RTN3: variants seen among roughly 807,000 people sequenced by gnomAD.
RTN3 encodes the protein reticulon 3, also known as reticulon-3.
RTN3 carries 49 observed loss-of-function variants against 77.8 expected under a neutral mutation model. That is an observed-to-expected ratio of 0.63 (90% CI 0.50 to 0.80). The LOEUF (loss-of-function observed/expected upper bound fraction) is 0.80, where lower values mean the gene tolerates loss of function less well. RTN3 is among the 30% of genes least tolerant of loss of function. The pLI is 0.00. For missense variants in RTN3, 1,236 were observed against 1,211.9 expected (o/e 1.02, Z -0.29); for synonymous variants, 464 against 446.9 (o/e 1.04, Z -0.48).
chr11:63,687,139 T>C (rs1161675707), intron 1 of RTN3, among the ~76,000 whole-genome samples: 2 of 152,212 alleles, frequency 1.3e-5, no homozygotes, highest in Non-Finnish European at 2.9e-5. Context: ...GAGTGTTACA[T>C]TCGTGTCAGA....
intron 2 of RTN3, among the ~76,000 whole-genome samples, chr11:63,705,352 T>C (rs752543184): frequency 3.9e-5 from 6 of 152,134 alleles, no homozygotes; most frequent in Non-Finnish European, 7.3e-5. Flanking sequence ...AGGTGGTGCA[T>C]GCCTGTAGTC....
chr11:63,719,001 G>A lies in RTN3; in HGVS notation c.499G>A (p.Ala167Thr). The change falls in exon 3 of 9, where the codon GCT becomes ACT. Residue 167 changes from alanine to threonine, a missense_variant. Transcript: ENST00000377819. The stretch of plus-strand genomic sequence containing the variant: ...TCCAGCCAGTTTCCCAGAGCATCCT[G>A]CTTTTCTCTCAAAGAAAATTGGTCA... ...SIPASFPEHPAFLSKKIGQVE... is the reference protein window; with the variant it reads ...SIPASFPEHPTFLSKKIGQVE... The A allele has an allele frequency of 6.2e-7, 1 of 1,614,126 alleles. No homozygotes were observed. The highest frequency in any genetic ancestry group is 2.2e-5 in the East Asian group (1 of 44,870).
intron 1 of RTN3, among the ~76,000 whole-genome samples, chr11:63,701,513 C>T (rs1023049715): frequency 6.6e-6 from 1 of 152,140 alleles, no homozygotes; most frequent in African/African-American, 2.4e-5. Context: ...AACAGTTCTA[C>T]AGGCTTTATA....
chr11:63,686,280 C>T (rs998224045), intron 1 of RTN3, among the ~76,000 whole-genome samples: 1 of 151,390 alleles, frequency 6.6e-6, no homozygotes, highest in South Asian at 2.1e-4. Flanking sequence ...ATCATCCTGG[C>T]TAACATGGTG....
Position 63,719,696 on chromosome 11 carries a change from C to G in RTN3, c.1194C>G (p.Ile398Met). ...PVCSIDGSTP[I>M]TKSTGDWAEA... ...GTTCTATTGATGGGAGCACTCCCAT[C>G]ACTAAATCAACAGGTGATTGGGCAG... The change falls in exon 3 of 9, where the codon ATC (isoleucine) becomes ATG (methionine). Residue 398 changes from isoleucine (I) to methionine (M), a missense_variant. Physicochemically the swap from Ile to Met is conservative, Grantham distance 10. Around this residue, in one of 3 missense-constraint regions of RTN3, gnomAD observed 1,056 missense variants for 990.4 expected, o/e 1.07. Transcript: ENST00000377819. The G allele has an allele frequency of 6.2e-7, 1 of 1,614,116 alleles. No individual in the cohort carries two copies. Among genetic ancestry groups the G allele is most frequent in the South Asian group, 1.1e-5 (1 of 91,052 alleles).
At position 63,720,691 on chromosome 11, in the gene RTN3, G is replaced by A. The variant is rs2011712347; in HGVS notation, c.2189G>A (p.Gly730Asp). 6.2e-7 allele frequency: 1 copy of A among 1,613,932 alleles called. No homozygotes were observed. Among genetic ancestry groups the A allele is most frequent in the Admixed American group, 1.7e-5 (1 of 59,980 alleles). Residue 730 changes from glycine (G) to aspartate (D), a missense_variant, in exon 3 of 9, where the codon GGT becomes GAT. By Grantham distance (94) the Gly-to-Asp change is moderately conservative. Coordinates refer to ENST00000377819, the MANE Select transcript of RTN3 (RefSeq NM_001265589.2). Reference sequence around the variant, plus strand: ...CCTCTAGGTGTTTTCCCTACCCAAGGTACTCCAGTAGCATCTCTTGACTTA... The same window carrying A: ...CCTCTAGGTGTTTTCCCTACCCAAGATACTCCAGTAGCATCTCTTGACTTA... ...SEPLGVFPTQ[G>D]TPVASLDLEQ...
chr11:63,737,402 G>T (rs1014651932), intron 3 of RTN3, among the ~76,000 whole-genome samples: 2 of 152,146 alleles, frequency 1.3e-5, no homozygotes, highest in African/African-American at 4.8e-5. Flanking sequence ...TTGAGGCCAG[G>T]AGTTTGAGAC....
chr11:63,735,550 T>TCTCTCTCTCTCTC (rs2013032879), intron 3 of RTN3, among the ~76,000 whole-genome samples: 7 of 42,688 alleles, frequency 1.6e-4, no homozygotes, highest in Non-Finnish European at 2.5e-4. Context: ...ATTCTAACAT[T>TCTCTCTCTCTCTC]TCTCTCTCTC....
At chr11:63,717,184 A>G (rs962106795) in intron 2 of RTN3, among the ~76,000 whole-genome samples, 3 of 151,710 alleles carry the variant, frequency 2.0e-5, no homozygotes, top group Admixed American at 1.3e-4. Context: ...AAACAAATAA[A>G]TGAAGTAAGA....
intron 1 of RTN3, among the ~76,000 whole-genome samples, chr11:63,695,853 C>T (rs1406888091): frequency 2.0e-5 from 3 of 151,640 alleles, no homozygotes; most frequent in African/African-American, 4.9e-5. Flanking sequence ...AGAAAAGGGG[C>T]GTTAGGGAAA....
chr11:63,756,919 A>G (rs2014406646), intron 8 of RTN3, among the ~76,000 whole-genome samples: 2 of 152,010 alleles, frequency 1.3e-5, no homozygotes, highest in Non-Finnish European at 2.9e-5. Context: ...GGTGGCATGC[A>G]ACTTTAGTCC....
Position 63,750,097 on chromosome 11 carries a change from T to G in RTN3, c.2637T>G (p.Val879=). 6.2e-7 allele frequency: 1 copy of G among 1,613,414 alleles called. No homozygotes were observed. The highest frequency in any genetic ancestry group is 8.5e-7 in the Non-Finnish European group (1 of 1,179,598). ...SLAAFSVISV[V]SYLILALLSV... ...CAGCTTTCAGTGTCATCAGTGTGGT[T>G]TCTTACCTCATCCTGGCTCTTCTCT... is the stretch of plus-strand genomic sequence containing the variant. The change falls in exon 4 of 9, where the codon GTT becomes GTG. Residue 879 remains valine, a synonymous_variant. Coordinates refer to ENST00000377819, the MANE Select transcript of RTN3 (RefSeq NM_001265589.2).
intron 2 of RTN3, among the ~76,000 whole-genome samples, chr11:63,705,927 C>T (rs1297558544): frequency 6.6e-6 from 1 of 152,194 alleles, no homozygotes; most frequent in East Asian, 1.9e-4. Flanking sequence ...TTCATTCGTG[C>T]TGTTTTTACT....
chr11:63,753,031 C>T lies in RTN3; in HGVS notation c.2878-38C>T, dbSNP rs773481834. 37 of 1,591,792 alleles carry T rather than the reference C, an allele frequency of 2.3e-5. 1 individual carries two copies. The highest frequency in any genetic ancestry group is 1.0e-4 in the South Asian group (9 of 89,954). ...ATCAGTTAATGTGAATTTTGCCTTACGGTTATTCCTGCTTAACTTTTGATA... is the reference window on the plus strand; with the variant it reads ...ATCAGTTAATGTGAATTTTGCCTTATGGTTATTCCTGCTTAACTTTTGATA... On this transcript the variant is annotated intron_variant, in intron 5 of 8. Coordinates refer to ENST00000377819, the MANE Select transcript of RTN3 (RefSeq NM_001265589.2).
At chr11:63,757,980 C>T (rs988945898) in intron 8 of RTN3, among the ~76,000 whole-genome samples, 176 bp from the exon 9 acceptor site, 5 of 152,086 alleles carry the variant, frequency 3.3e-5, no homozygotes, top group Admixed American at 1.3e-4. Context: ...CTGCCTGCCT[C>T]GGACTCCCAA....
In RTN3 at chr11:63,752,565, G is replaced by A; in HGVS notation, c.2797G>A (p.Ala933Thr). Residue 933 changes from alanine (A) to threonine (T), a missense_variant, in exon 5 of 9, where the codon GCT (alanine) becomes ACT (threonine). Coordinates refer to ENST00000377819, the MANE Select transcript of RTN3 (RefSeq NM_001265589.2). The stretch of plus-strand genomic sequence containing the variant: ...AGAAGCTTTCCATAATTACATGAAT[G>A]CTGCCATGGTGCACATCAACAGGGC... Reference protein sequence around the residue: ...SSEAFHNYMNAAMVHINRALK... With the variant: ...SSEAFHNYMNTAMVHINRALK... 6.2e-7 allele frequency: 1 copy of A among 1,612,850 alleles called. No individual in the cohort carries two copies. The highest frequency in any genetic ancestry group is 8.5e-7 in the Non-Finnish European group (1 of 1,178,894).
chr11:63,735,751 A>G (rs1412990606), intron 3 of RTN3, among the ~76,000 whole-genome samples: 1 of 152,028 alleles, frequency 6.6e-6, no homozygotes, highest in East Asian at 1.9e-4. Flanking sequence ...GTTGGTCTTG[A>G]ACTCATCAGC....
Position 63,758,244 on chromosome 11 carries a change from T to G in RTN3, c.*43T>G, listed in dbSNP as rs762576042. On this transcript the variant is annotated 3_prime_UTR_variant, in exon 9 of 9. Coordinates refer to ENST00000377819, the MANE Select transcript of RTN3 (RefSeq NM_001265589.2). Reference sequence around the variant, plus strand: ...ATGCAACAGTTACTAAAACACCATTTAATAGTTATAACGTCGTTACTTGTA... The same window carrying G: ...ATGCAACAGTTACTAAAACACCATTGAATAGTTATAACGTCGTTACTTGTA... The G allele has an allele frequency of 6.2e-7, 1 of 1,613,776 alleles. No individual in the cohort carries two copies. The highest frequency in any genetic ancestry group is 1.7e-5 in the Admixed American group (1 of 59,982).
chr11:63,749,310 A>G (rs1050858375), intron 3 of RTN3, among the ~76,000 whole-genome samples: 3 of 152,192 alleles, frequency 2.0e-5, no homozygotes, highest in African/African-American at 7.2e-5. Flanking sequence ...TGTGGCTTGG[A>G]TAATTATATG....
Sources: allele counts gnomAD v4.1 joint callset (sites outside exome capture counted in the v4.1 genomes callset), GRCh38; gene constraint gnomAD v4.1.1; regional missense constraint gnomAD v4.1.1; transcripts MANE v1.5; gene names NCBI Gene and HGNC (gene_info 2026-07-23, HGNC 2026-07-21).